The following GATAD2B variants were observed in gnomAD, a reference collection of about 807,000 sequenced individuals.
The protein encoded by GATAD2B is GATA zinc finger domain containing 2B, also known as transcriptional repressor p66-beta.
Under a neutral mutation model 64.3 loss-of-function variants are expected in GATAD2B, and 8 were observed. The observed-to-expected ratio is 0.12, with a 90% CI of 0.07 to 0.22. The LOEUF (loss-of-function observed/expected upper bound fraction) is 0.22, where lower values mean the gene tolerates loss of function less well. Ranked by LOEUF, GATAD2B falls within the 10% of genes least tolerant of loss-of-function variation. The pLI is 1.00. For missense variants in GATAD2B, 453 were observed against 752.0 expected, an observed-to-expected ratio of 0.60 and a Z score of 4.65; for synonymous variants, 281 against 271.3, an observed-to-expected ratio of 1.04 and a Z score of -0.35.
intron 1 of GATAD2B, chr1:153,886,522 C>CTTTTTTTT (rs960423174): frequency 1.8e-5 from 2 of 113,942 alleles, no homozygotes; most frequent in African/African-American, 3.4e-5. Context: ...AATAGTTTTC[C>CTTTTTTTT]TTTTTTTTTT....
chr1:153,906,444 T>C (rs1677942715), intron 1 of GATAD2B, among the ~76,000 whole-genome samples: 1 of 151,964 alleles, frequency 6.6e-6, no homozygotes, highest in African/African-American at 2.4e-5. Context: ...ACACAAAATA[T>C]TGTTCTTTTA....
chr1:153,830,121 A>G (rs1675022987), intron 1 of GATAD2B, among the ~76,000 whole-genome samples: 1 of 152,138 alleles, frequency 6.6e-6, no homozygotes, highest in Non-Finnish European at 1.5e-5. Context: ...AGACCAAAAA[A>G]TGAAACACAC....
intron 1 of GATAD2B, among the ~76,000 whole-genome samples, chr1:153,865,646 A>G (rs1374549020): frequency 6.6e-6 from 1 of 152,236 alleles, no homozygotes. Context: ...TGCCATAAGA[A>G]TAACATATAA....
chr1:153,853,837 A>G (rs1268439303), intron 1 of GATAD2B, among the ~76,000 whole-genome samples: 1 of 152,142 alleles, frequency 6.6e-6, no homozygotes, highest in East Asian at 1.9e-4. Context: ...TCCCAACAAC[A>G]TTTGTTGGAG....
intron 10 of GATAD2B, 40 bp from the exon 11 acceptor site, chr1:153,810,350 G>T: frequency 1.2e-6 from 2 of 1,604,606 alleles, no homozygotes; most frequent in Non-Finnish European, 1.7e-6. Flanking sequence ...GGTATTAAAA[G>T]AGGAAATAAC....
At chr1:153,895,605 A>G (rs1313900845) in intron 1 of GATAD2B, among the ~76,000 whole-genome samples, 2 of 151,962 alleles carry the variant, frequency 1.3e-5, no homozygotes, top group Admixed American at 1.3e-4. Flanking sequence ...TAAAAAAAAA[A>G]GAAGAAAAAA....
intron 1 of GATAD2B, among the ~76,000 whole-genome samples, chr1:153,893,300 G>A (rs1677479175): frequency 6.6e-6 from 1 of 152,126 alleles, no homozygotes; most frequent in Non-Finnish European, 1.5e-5. Context: ...GGCAGTAAAT[G>A]TTCACCTTAA....
intron 1 of GATAD2B, among the ~76,000 whole-genome samples, chr1:153,866,504 T>G (rs898726103): frequency 1.3e-5 from 2 of 152,170 alleles, no homozygotes; most frequent in Non-Finnish European, 1.5e-5. Context: ...AGCAATGGTC[T>G]TGCACCATCT....
intron 1 of GATAD2B, among the ~76,000 whole-genome samples, chr1:153,902,003 G>A (rs562903048): frequency 1.5e-4 from 22 of 142,896 alleles, no homozygotes; most frequent in African/African-American, 3.4e-4. Context: ...AAAAAAGGCC[G>A]CGCACAGTGG....
chr1:153,915,005 C>T (rs1213255335), intron 1 of GATAD2B, among the ~76,000 whole-genome samples: 1 of 152,038 alleles, frequency 6.6e-6, no homozygotes, highest in African/African-American at 2.4e-5. Flanking sequence ...AGATGGATAG[C>T]TGAGGCCAGG....
At chr1:153,910,051 G>A (rs943925773) in intron 1 of GATAD2B, among the ~76,000 whole-genome samples, 11 of 151,970 alleles carry the variant, frequency 7.2e-5, no homozygotes, top group Non-Finnish European at 1.5e-4. Context: ...AGAGGCAGAG[G>A]TTGCAGTGAG....
intron 1 of GATAD2B, among the ~76,000 whole-genome samples, chr1:153,845,481 C>G (rs1303891262): frequency 6.6e-6 from 1 of 152,006 alleles, no homozygotes; most frequent in Non-Finnish European, 1.5e-5. Flanking sequence ...GGTGGTGGCT[C>G]ACACCTATAA....
At chr1:153,908,662 T>G (rs1211774705) in intron 1 of GATAD2B, among the ~76,000 whole-genome samples, 2 of 150,972 alleles carry the variant, frequency 1.3e-5, no homozygotes, top group Non-Finnish European at 2.9e-5. Context: ...GAAACAGGGA[T>G]TCTCCATATT....
chr1:153,905,189 T>C (rs1677888107), intron 1 of GATAD2B, among the ~76,000 whole-genome samples: 1 of 151,808 alleles, frequency 6.6e-6, no homozygotes, highest in African/African-American at 2.4e-5. Context: ...GCCTGACCAA[T>C]ATGGTGAAAC....
intron 1 of GATAD2B, among the ~76,000 whole-genome samples, chr1:153,895,534 C>T (rs1677560683): frequency 1.3e-5 from 2 of 151,360 alleles, no homozygotes. Flanking sequence ...GAGCCACGAT[C>T]GTGCCACTGC....
At chr1:153,861,326 A>C (rs1161696577) in intron 1 of GATAD2B, among the ~76,000 whole-genome samples, 1 of 151,976 alleles carries the variant, frequency 6.6e-6, no homozygotes, top group Non-Finnish European at 1.5e-5. Flanking sequence ...CCAACGCAGG[A>C]GGATCACTTA....
Position 153,807,575 on chromosome 1 carries a change from G to C in GATAD2B, c.*2602C>G, listed in dbSNP as rs1674146876. ...AAGCAGCTTCTATGTAACTGACCCT[G>C]AGGGGATAAAAACAGGGAAGATTCC... On this transcript the variant is annotated 3_prime_UTR_variant, in exon 11 of 11. Coordinates refer to ENST00000368655, the MANE Select transcript of GATAD2B (RefSeq NM_020699.4). 6.6e-6 allele frequency: 1 copy of C among 152,420 alleles called. No individual in the cohort carries two copies. The highest frequency in any genetic ancestry group is 1.5e-5 in the Non-Finnish European group (1 of 68,046). The allele number at this position is 152,420 out of a possible 1,614,324, so 9.4% of individuals were successfully genotyped here. A position where few individuals can be genotyped will look rare whatever the true frequency, so the allele number is the denominator to read the frequency against.
chr1:153,823,863 A>G (rs1188944007), intron 2 of GATAD2B, among the ~76,000 whole-genome samples: 1 of 151,640 alleles, frequency 6.6e-6, no homozygotes, highest in East Asian at 1.9e-4. Flanking sequence ...CCAAGTAGCT[A>G]GGATTACAGG....
intron 1 of GATAD2B, among the ~76,000 whole-genome samples, chr1:153,911,629 G>A (rs944394120): frequency 1.3e-5 from 2 of 151,942 alleles, no homozygotes; most frequent in African/African-American, 2.4e-5. Flanking sequence ...CCAGCTACTC[G>A]GGAGGCTGAG....
Sources: gnomAD v4.1 joint callset for allele counts (sites outside exome capture counted in the v4.1 genomes callset) on GRCh38, gnomAD v4.1.1 for gene constraint, MANE v1.5 for transcripts, NCBI Gene and HGNC (gene_info 2026-07-23, HGNC 2026-07-21) for gene names.